ZIM2: variants seen among roughly 807,000 people sequenced by gnomAD.
ZIM2 encodes the protein zinc finger protein 656.
In ZIM2, 14 loss-of-function variants were observed where a neutral mutation model predicts 38.6. That is an observed-to-expected ratio of 0.36 (90% CI 0.24 to 0.57). The LOEUF (loss-of-function observed/expected upper bound fraction) is 0.57. ZIM2 is among the 20% of genes least tolerant of loss of function. The probability of loss-of-function intolerance (pLI) is 0.81; values close to 1 mark genes in which losing one functional copy is unlikely to be tolerated. For synonymous variants in ZIM2, 247 were observed against 245.8 expected, an observed-to-expected ratio of 1.00 and a Z score of -0.04; for missense variants, 680 against 695.1, an observed-to-expected ratio of 0.98 and a Z score of 0.24.
At chr19:56,797,545 T>C (rs920306078) in intron 9 of ZIM2, among the ~76,000 whole-genome samples, 1 of 152,194 alleles carries the variant, frequency 6.6e-6, no homozygotes, top group Non-Finnish European at 1.5e-5. Flanking sequence ...TGTTCTCTTA[T>C]GCCTGTGAAA....
In ZIM2 at chr19:56,836,049, T is replaced by A; in HGVS notation, c.-258A>T. On this transcript the variant is annotated 5_prime_UTR_variant, in exon 2 of 13. Transcript: ENST00000629319. ...CCAGCCACCTAGCGTTTGGACCTAGTCCCTCTTCCTCTCGCCAGTCGTCTC... is the reference window on the plus strand; with the variant it reads ...CCAGCCACCTAGCGTTTGGACCTAGACCCTCTTCCTCTCGCCAGTCGTCTC... 2.0e-6 allele frequency: 1 copy of A among 509,796 alleles called. No individual in the cohort carries two copies. Among genetic ancestry groups the A allele is most frequent in the South Asian group, 1.4e-5 (1 of 69,142 alleles). 31.6% of individuals were successfully genotyped at this position (509,796 alleles called of 1,614,324 possible).
rs1780639399 is a variant in ZIM2 at position 56,792,404 on chromosome 19, C to G, written c.491-2453G>C. On this transcript the variant is annotated intron_variant, in intron 9 of 12. Transcript: ENST00000629319. ...AAATTAGCCAGGCGTGGTGGTGGGC[C>G]CCTGGAATTCTAGCTACTCGGGAGG... is the stretch of plus-strand genomic sequence containing the variant. Among the ~76,000 whole-genome samples, 2 of 150,910 alleles carry G rather than the reference C, an allele frequency of 1.3e-5. 1 individual carries two copies. The highest frequency in any genetic ancestry group is 1.3e-4 in the Admixed American group (2 of 15,152).
At chr19:56,775,559 C>T (rs747579372) in intron 12 of ZIM2, 30 bp from the exon 13 acceptor site, 88 of 1,564,728 alleles carry the variant, frequency 5.6e-5, no homozygotes, top group Non-Finnish European at 6.7e-5. Context: ...AGTTACCTAC[C>T]GCCCAATTAT....
chr19:56,839,765 C>G (rs186968568), intron 1 of ZIM2, among the ~76,000 whole-genome samples: 1 of 151,954 alleles, frequency 6.6e-6, no homozygotes, highest in Non-Finnish European at 1.5e-5. Flanking sequence ...ACCAATCAAC[C>G]AGAACAGCGC....
In ZIM2 at chr19:56,823,628, C is replaced by T; in HGVS notation, c.68G>A (p.Arg23Lys). 1 of 1,614,144 alleles carries T rather than the reference C, an allele frequency of 6.2e-7. No homozygotes were observed. Among genetic ancestry groups the T allele is most frequent in the African/African-American group, 1.3e-5 (1 of 75,026 alleles). ...GACTGAGTGAGGTGGTGAGGACTCT[C>T]TTCTGTTCCGGGTCATGTCGTCGTC... is the stretch of plus-strand genomic sequence containing the variant. Reference protein sequence around the residue: ...TSDDDMTRNRRESSPPHSVHS... With the variant: ...TSDDDMTRNRKESSPPHSVHS... Residue 23 changes from arginine to lysine, a missense_variant, in exon 5 of 13, where the codon AGA becomes AAA. Arg to Lys is a conservative substitution (Grantham distance 26, BLOSUM62 2). Transcript: ENST00000629319.
chr19:56,782,835 C>T (rs1429137397), intron 10 of ZIM2, among the ~76,000 whole-genome samples: 1 of 151,810 alleles, frequency 6.6e-6, no homozygotes, highest in Non-Finnish European at 1.5e-5. Context: ...GTATCCATCC[C>T]CTTAGGCATT....
Position 56,775,166 on chromosome 19 carries a change from G to A in ZIM2, c.1199C>T (p.Pro400Leu). 6.2e-7 allele frequency: 1 copy of A among 1,614,102 alleles called. No individual in the cohort carries two copies. Among genetic ancestry groups the A allele is most frequent in the Non-Finnish European group, 8.5e-7 (1 of 1,180,014 alleles). Residue 400 changes from proline (P) to leucine (L), a missense_variant, in exon 13 of 13, where the codon CCA becomes CTA. By Grantham distance (98) the Pro-to-Leu change is moderately conservative. Coordinates refer to ENST00000629319, the MANE Select transcript of ZIM2 (RefSeq NM_001387356.1). ...KQCAEAFYLMPHLNRHQKTHS... is the reference protein window; with the variant it reads ...KQCAEAFYLMLHLNRHQKTHS... Reference sequence around the variant, plus strand: ...GGTCTTCTGATGTCTGTTGAGGTGTGGCATGAGATAGAAGGCTTCAGCACA... The same window carrying A: ...GGTCTTCTGATGTCTGTTGAGGTGTAGCATGAGATAGAAGGCTTCAGCACA...
intron 10 of ZIM2, among the ~76,000 whole-genome samples, chr19:56,786,185 CTGTA>C (rs2046593505): frequency 6.6e-6 from 1 of 152,156 alleles, no homozygotes; most frequent in African/African-American, 2.4e-5. Flanking sequence ...TGTGTATGTA[CTGTA>C]TGTATGTCTG....
chr19:56,794,968 T>C (rs572366490), intron 9 of ZIM2, among the ~76,000 whole-genome samples: 5 of 152,364 alleles, frequency 3.3e-5, no homozygotes, highest in African/African-American at 1.2e-4. Context: ...TAATACGGCT[T>C]TCTCTTTGTT....
At chr19:56,835,123 G>A (rs1411728834) in intron 2 of ZIM2, among the ~76,000 whole-genome samples, 1 of 151,890 alleles carries the variant, frequency 6.6e-6, no homozygotes, top group African/African-American at 2.4e-5. Context: ...CACAAACCAA[G>A]CCACCATCTC....
intron 11 of ZIM2, among the ~76,000 whole-genome samples, chr19:56,780,501 C>T (rs765516523): frequency 6.6e-6 from 1 of 152,134 alleles, no homozygotes; most frequent in Admixed American, 6.5e-5. Flanking sequence ...GCCTCAGCCT[C>T]CCAAAGTGTT....
intron 9 of ZIM2, chr19:56,810,844 T>G (rs995443051): frequency 9.3e-6 from 9 of 968,880 alleles, no homozygotes; most frequent in Non-Finnish European, 1.1e-5. Flanking sequence ...ATAATTTACT[T>G]TATTTTCTAA....
intron 7 of ZIM2, among the ~76,000 whole-genome samples, chr19:56,820,941 C>T (rs1307153967): frequency 1.3e-5 from 2 of 152,186 alleles, no homozygotes; most frequent in Admixed American, 1.3e-4. Flanking sequence ...TGCTGGGGTC[C>T]TCCTCCACAC....
rs558098601 is a variant in ZIM2, at chr19:56,822,855, C to A, written c.107-19G>T. 3.7e-6 allele frequency: 6 copies of A among 1,609,960 alleles called. No individual in the cohort carries two copies. The highest frequency in any genetic ancestry group is 5.1e-6 in the Non-Finnish European group (6 of 1,178,226). On this transcript the variant is annotated intron_variant, in intron 5 of 12. Transcript: ENST00000629319. ...CGGTCACCTAAGCAGGTGAGACATT[C>A]CAGTGGTTAACAAAGCTCTTTGACA...
chr19:56,811,870 TTCTG>T (rs1600853975), intron 9 of ZIM2: 1 of 985,528 alleles, frequency 1.0e-6, no homozygotes, highest in Non-Finnish European at 1.2e-6. Context: ...TGGTGTTTTC[TTCTG>T]TCTGTCTCCT....
At chr19:56,840,415 G>A (rs1372506321) in intron 1 of ZIM2, among the ~76,000 whole-genome samples, 167 bp downstream of exon 1, 2 of 152,184 alleles carry the variant, frequency 1.3e-5, no homozygotes, top group African/African-American at 4.8e-5. Context: ...CTCGGACTGG[G>A]CAGCGGGCGG....
intron 9 of ZIM2, chr19:56,811,381 A>G (rs893590878): frequency 1.1e-6 from 1 of 877,372 alleles, no homozygotes; most frequent in East Asian, 1.2e-4. Context: ...TAGTATAAAT[A>G]TACTTTCGTG....
At chr19:56,782,225 G>A in intron 10 of ZIM2, 104 bp from the exon 11 acceptor site, 1 of 1,455,608 alleles carries the variant, frequency 6.9e-7, no homozygotes, top group Non-Finnish European at 9.2e-7. Context: ...AGAGCCACAG[G>A]CACCTGGCAT....
rs747893977 is a variant in ZIM2, at chr19:56,817,816, A to G, written c.420T>C (p.Asp140=). Residue 140 remains aspartate, a synonymous_variant, in exon 9 of 13, where the codon GAT becomes GAC. Transcript: ENST00000629319. ...GGCCCTGCGTCATGTGGGAGTGGCCATCGTCTTCAGCAAGCTGCACTCCTG... is the reference window on the plus strand; with the variant it reads ...GGCCCTGCGTCATGTGGGAGTGGCCGTCGTCTTCAGCAAGCTGCACTCCTG... The part of the protein sequence containing the change: ...LSLGVQLAED[D]GHSHMTQGHS... 1.2e-6 allele frequency: 2 copies of G among 1,614,036 alleles called. No homozygotes were observed. The highest frequency in any genetic ancestry group is 1.7e-6 in the Non-Finnish European group (2 of 1,179,998).
Sources: gnomAD v4.1 joint callset for allele counts (sites outside exome capture counted in the v4.1 genomes callset) on GRCh38, gnomAD v4.1.1 for gene constraint, MANE v1.5 for transcripts, NCBI Gene and HGNC (gene_info 2026-07-23, HGNC 2026-07-21) for gene names.